The following COG6 variants were observed in gnomAD, a reference collection of about 807,000 sequenced individuals.
COG6 encodes the protein conserved oligomeric Golgi complex subunit 6.
A neutral mutation model predicts 88.8 loss-of-function variants in COG6; 74 were observed. That is an observed-to-expected ratio of 0.83 (90% CI 0.69 to 1.01). COG6 has a LOEUF of 1.01. Ranked by LOEUF, COG6 falls within the 50% of genes least tolerant of loss-of-function variation. The probability of loss-of-function intolerance (pLI) is 0.00; values close to 1 mark genes in which losing one functional copy is unlikely to be tolerated. For synonymous variants in COG6, 286 were observed against 278.7 expected (o/e 1.03, Z -0.26); for missense variants, 800 against 797.9 (o/e 1.00, Z -0.03).
At chr13:39,694,829 C>A in intron 12 of COG6, 104 bp downstream of exon 12, 1 of 641,154 alleles carries the variant, frequency 1.6e-6, no homozygotes, top group Non-Finnish European at 2.8e-6. Context: ...TAATTATACA[C>A]TAAGTATAGA....
intron 4 of COG6, among the ~76,000 whole-genome samples, chr13:39,672,733 A>G (rs758055144): frequency 1.2e-4 from 18 of 152,018 alleles, no homozygotes; most frequent in African/African-American, 2.7e-4. Flanking sequence ...TTGTGTGGGC[A>G]TGTTTTATTC....
chr13:39,669,453 T>A (rs1369864066), intron 4 of COG6, among the ~76,000 whole-genome samples: 1 of 152,250 alleles, frequency 6.6e-6, no homozygotes. Flanking sequence ...TACAGTTGTT[T>A]GCAACTAATC....
intron 18 of COG6, among the ~76,000 whole-genome samples, chr13:39,787,452 A>G (rs1168484980): frequency 2.0e-5 from 3 of 152,102 alleles, no homozygotes; most frequent in African/African-American, 4.8e-5. Flanking sequence ...TAGTTTCACC[A>G]TTTTACAGAT....
At chr13:39,750,528 T>C (rs2138147004) in intron 18 of COG6, among the ~76,000 whole-genome samples, 1 of 152,334 alleles carries the variant, frequency 6.6e-6, no homozygotes, top group African/African-American at 2.4e-5. Context: ...CTTTAAGTTT[T>C]CCTGAGAGAT....
chr13:39,667,293 A>G (rs1364783887), intron 4 of COG6, among the ~76,000 whole-genome samples: 1 of 152,202 alleles, frequency 6.6e-6, no homozygotes, highest in African/African-American at 2.4e-5. Context: ...AATTTCATGC[A>G]TTTAATCCCC....
In COG6 at chr13:39,659,378, T is replaced by C; in HGVS notation, c.168T>C (p.Ala56=). The change falls in exon 2 of 19, where the codon GCT becomes GCC. Residue 56 remains alanine (A), a synonymous_variant. Coordinates refer to ENST00000455146, the MANE Select transcript of COG6 (RefSeq NM_020751.3). ...CAATTGTATAGGAGATGTTAGAAGC[T>C]CTCAAGGCACTTTCAACCTTTTTTG... ...RLDNDKEMLE[A]LKALSTFFVE... 1 of 1,613,650 alleles carries C rather than the reference T, an allele frequency of 6.2e-7. No homozygotes were observed. Among genetic ancestry groups the C allele is most frequent in the Admixed American group, 1.7e-5 (1 of 60,026 alleles).
At chr13:39,778,249 CT>C (rs1356281047) in intron 18 of COG6, among the ~76,000 whole-genome samples, 1 of 152,108 alleles carries the variant, frequency 6.6e-6, no homozygotes, top group Non-Finnish European at 1.5e-5. Context: ...TATAATCTGA[CT>C]AATTATAATT....
At chr13:39,772,607 C>T (rs986847686) in intron 18 of COG6, among the ~76,000 whole-genome samples, 3 of 152,224 alleles carry the variant, frequency 2.0e-5, no homozygotes, top group African/African-American at 4.8e-5. Context: ...TCCTAAAGTT[C>T]CCTGGCACCA....
intron 18 of COG6, among the ~76,000 whole-genome samples, chr13:39,748,629 A>AT (rs1157925470): frequency 6.6e-6 from 1 of 152,032 alleles, no homozygotes; most frequent in East Asian, 1.9e-4. Context: ...AAAGAAAAAA[A>AT]AAAAATCCCC....
chr13:39,689,311 C>A (rs1876846128), intron 10 of COG6, among the ~76,000 whole-genome samples: 1 of 152,086 alleles, frequency 6.6e-6, no homozygotes, highest in South Asian at 2.1e-4. Context: ...TTTGAAAATA[C>A]CAGTTTTTCT....
At chr13:39,704,994 A>G (rs892384456) in intron 13 of COG6, among the ~76,000 whole-genome samples, 1 of 152,182 alleles carries the variant, frequency 6.6e-6, no homozygotes, top group Non-Finnish European at 1.5e-5. Flanking sequence ...TTTTTGCAAG[A>G]ATATCTTCCT....
intron 18 of COG6, among the ~76,000 whole-genome samples, chr13:39,786,334 G>A (rs1881772204): frequency 6.6e-6 from 1 of 152,176 alleles, no homozygotes; most frequent in Non-Finnish European, 1.5e-5. Flanking sequence ...GAGGGCAGCT[G>A]AACACTGGCT....
chr13:39,759,008 C>T (rs1195417496), intron 18 of COG6, among the ~76,000 whole-genome samples: 1 of 152,068 alleles, frequency 6.6e-6, no homozygotes, highest in African/African-American at 2.4e-5. Context: ...TTAATGAAAT[C>T]TCCAGAATAG....
chr13:39,694,568 A>T, intron 11 of COG6, 66 bp from the exon 12 acceptor site: 1 of 948,228 alleles, frequency 1.1e-6, no homozygotes, highest in Non-Finnish European at 1.7e-6. Context: ...TTCATACCAT[A>T]TGTTATTAAT....
intron 18 of COG6, among the ~76,000 whole-genome samples, chr13:39,737,087 GGT>G (rs539770490): frequency 1.5e-4 from 23 of 152,230 alleles, no homozygotes; most frequent in Non-Finnish European, 3.1e-4. Flanking sequence ...CTACATTGGT[GGT>G]GTTGGGTGAG....
Position 39,694,684 on chromosome 13 carries a change from T to C in COG6, c.1125T>C (p.Tyr375=). 1.2e-6 allele frequency: 2 copies of C among 1,600,436 alleles called. No individual in the cohort carries two copies. The highest frequency in any genetic ancestry group is 1.7e-4 in the Middle Eastern group (1 of 5,948). Residue 375 remains tyrosine (Y), a synonymous_variant, in exon 12 of 19, where the codon TAT becomes TAC. Transcript: ENST00000455146. ...CTGAACCTGGGGCAGTTTTATTATA[T>C]AAAATTTCTAATCTCCTCAAATTTT... ...IVAEPGAVLL[Y]KISNLLKFYH...
Position 39,719,227 on chromosome 13 carries a change from T to A in COG6, c.1285-9T>A, listed in dbSNP as rs1473233490. 1.9e-6 allele frequency: 3 copies of A among 1,611,816 alleles called. No homozygotes were observed. The highest frequency in any genetic ancestry group is 2.5e-6 in the Non-Finnish European group (3 of 1,178,512). On this transcript the variant is annotated splice_polypyrimidine_tract_variant and intron_variant, in intron 13 of 18. Coordinates refer to ENST00000455146, the MANE Select transcript of COG6 (RefSeq NM_020751.3). ...ATATAAGGAGTGGGTAAATCATCTC[T>A]TGTTTTAGGTTGAACTCCCACCACC...
At chr13:39,660,998 T>C in intron 3 of COG6, 117 bp downstream of exon 3, 1 of 672,212 alleles carries the variant, frequency 1.5e-6, no homozygotes, top group Non-Finnish European at 2.7e-6. Flanking sequence ...TGGGTATAAA[T>C]ATAATCCTTA....
chr13:39,727,115 A>G (rs1006047248), intron 17 of COG6, among the ~76,000 whole-genome samples: 1 of 152,060 alleles, frequency 6.6e-6, no homozygotes, highest in Non-Finnish European at 1.5e-5. Context: ...GAATGCATTA[A>G]TGAACAAATG....
Sources: gnomAD v4.1 joint callset for allele counts (sites outside exome capture counted in the v4.1 genomes callset) on GRCh38, gnomAD v4.1.1 for gene constraint, MANE v1.5 for transcripts, NCBI Gene and HGNC (gene_info 2026-07-23, HGNC 2026-07-21) for gene names.